Variants in BCR observed in about 807,000 individuals in gnomAD.
BCR encodes the protein BCR activator of RhoGEF and GTPase.
Under a neutral mutation model 138.6 loss-of-function variants are expected in BCR, and 58 were observed. That is an observed-to-expected ratio of 0.42 (90% CI 0.34 to 0.52). BCR has a LOEUF of 0.52. BCR is among the 20% of genes least tolerant of loss of function. BCR has a pLI of 0.06. For synonymous variants in BCR, 786 were observed against 730.1 expected (o/e 1.08, Z -1.23); for missense variants, 1,599 against 1,727.2 (o/e 0.93, Z 1.32).
chr22:23,266,763 AG>A (rs1322722123), intron 4 of BCR, among the ~76,000 whole-genome samples: 15 of 152,248 alleles, frequency 9.9e-5, no homozygotes, highest in African/African-American at 3.6e-4. Context: ...TCTGCGTAAC[AG>A]CACCACAGCA....
At chr22:23,185,067 C>A (rs1486240390) in intron 1 of BCR, among the ~76,000 whole-genome samples, 1 of 152,140 alleles carries the variant, frequency 6.6e-6, no homozygotes, top group Non-Finnish European at 1.5e-5. Context: ...CTGAAGCCAT[C>A]CCTGGGCACG....
At chr22:23,215,727 C>T (rs1268365213) in intron 1 of BCR, among the ~76,000 whole-genome samples, 1 of 152,162 alleles carries the variant, frequency 6.6e-6, no homozygotes, top group Non-Finnish European at 1.5e-5. Flanking sequence ...ATGACACTGC[C>T]TCCTAAGTGG....
intron 1 of BCR, among the ~76,000 whole-genome samples, chr22:23,196,625 T>C (rs2072486285): frequency 6.6e-6 from 1 of 152,070 alleles, no homozygotes; most frequent in African/African-American, 2.4e-5. Context: ...TTCCACAGAC[T>C]GGGGGTTAGG....
chr22:23,216,380 G>A (rs2072752168), intron 1 of BCR, among the ~76,000 whole-genome samples: 1 of 152,156 alleles, frequency 6.6e-6, no homozygotes, highest in Admixed American at 6.5e-5. Flanking sequence ...TTTTATGGTA[G>A]TATTATGTGA....
At chr22:23,262,733 G>A (rs980242227) in intron 4 of BCR, 6 of 839,712 alleles carry the variant, frequency 7.1e-6, no homozygotes, top group Non-Finnish European at 7.2e-6. Context: ...GGGCGGGGGC[G>A]GAGAGGCGAA....
intron 1 of BCR, 92 bp downstream of exon 1, chr22:23,182,331 G>A: frequency 2.2e-6 from 3 of 1,376,720 alleles, no homozygotes; most frequent in Non-Finnish European, 2.9e-6. Context: ...TTGGGAGGGA[G>A]GAGTGGATAG....
Position 23,292,539 on chromosome 22 carries a change from A to G in BCR, c.2783-2A>G. On this transcript the variant is annotated splice_acceptor_variant, in intron 14 of 22. Transcript: ENST00000305877. LOFTEE classifies it high-confidence loss of function. ...CTTCTCCATGTCCACTTCTCCCCAC[A>G]GATCTGTACTGCACCCTGGAGGTGG... 1 of 1,611,250 alleles carries G rather than the reference A, an allele frequency of 6.2e-7. No homozygotes were observed. The highest frequency in any genetic ancestry group is 8.5e-7 in the Non-Finnish European group (1 of 1,177,902).
intron 9 of BCR, 77 bp downstream of exon 9, chr22:23,284,175 G>T: frequency 6.4e-7 from 1 of 1,566,696 alleles, no homozygotes. Context: ...TTGTCATGGC[G>T]GAGGTCAGTG....
intron 10 of BCR, 107 bp from the exon 11 acceptor site, chr22:23,287,052 C>A: frequency 6.5e-7 from 1 of 1,528,784 alleles, no homozygotes; most frequent in South Asian, 1.2e-5. Context: ...AGATGGGATT[C>A]TTGCCCTCTG....
chr22:23,268,570 C>T (rs1327057510), intron 5 of BCR, 55 bp downstream of exon 5: 1 of 1,422,138 alleles, frequency 7.0e-7, no homozygotes, highest in African/African-American at 1.4e-5. Flanking sequence ...CCTGTACCCT[C>T]CACCTCCCGA....
intron 1 of BCR, among the ~76,000 whole-genome samples, chr22:23,228,635 A>G (rs1227141784): frequency 6.6e-6 from 1 of 152,148 alleles, no homozygotes; most frequent in African/African-American, 2.4e-5. Flanking sequence ...TGGATATAAC[A>G]TTCTGGGTTG....
rs77227437 is a variant in BCR, at chr22:23,315,579, G to A, written c.*57G>A. Reference sequence around the variant, plus strand: ...ATGGCCTGGAAACCTCTGGCTAATCGGGCCATCCGTAGAGCGGGAACCTTC... The same window carrying A: ...ATGGCCTGGAAACCTCTGGCTAATCAGGCCATCCGTAGAGCGGGAACCTTC... On this transcript the variant is annotated 3_prime_UTR_variant, in exon 23 of 23. Transcript: ENST00000305877. 0.045 allele frequency: 68,443 copies of A among 1,534,314 alleles called. 9,267 individuals are homozygous for A. In the East Asian group the frequency reaches 0.53, roughly 12 times the overall value.
intron 1 of BCR, among the ~76,000 whole-genome samples, chr22:23,242,060 G>A (rs922132211): frequency 2.6e-5 from 4 of 152,100 alleles, no homozygotes; most frequent in African/African-American, 9.7e-5. Flanking sequence ...ACTGACACCA[G>A]GTACATTAAC....
chr22:23,246,895 C>G (rs1249441353), intron 1 of BCR, among the ~76,000 whole-genome samples: 1 of 151,908 alleles, frequency 6.6e-6, no homozygotes, highest in African/African-American at 2.4e-5. Flanking sequence ...TCGGAGCCCC[C>G]AAGATCCACA....
At position 23,314,729 on chromosome 22, in the gene BCR, G is replaced by T. The variant is rs201258144; in HGVS notation, c.3726+15G>T. 236 of 1,611,636 alleles carry T rather than the reference G, an allele frequency of 1.5e-4. 1 individual carries two copies. The highest frequency in any genetic ancestry group is 3.1e-4 in the African/African-American group (23 of 74,966). ...TCATGTCCCAGGTATGGGAAGACAG[G>T]CTCCAGCCCATGCAACCCTGACCTG... On this transcript the variant is annotated intron_variant, in intron 22 of 22. Coordinates refer to ENST00000305877, the MANE Select transcript of BCR (RefSeq NM_004327.4).
chr22:23,253,659 G>A (rs138630542), intron 1 of BCR, 140 bp from the exon 2 acceptor site: 3 of 912,234 alleles, frequency 3.3e-6, no homozygotes, highest in African/African-American at 3.3e-5. Flanking sequence ...CAGTTGTGAA[G>A]GGGACGTCAG....
rs1182876923 is a variant in BCR, at chr22:23,244,673, C to G, written c.1280-9126C>G. 2.6e-5 allele frequency among the ~76,000 whole-genome samples: 4 copies of G among 152,238 alleles called. No homozygotes were observed. In the East Asian group the frequency reaches 7.7e-4, roughly 29 times the overall value. Reference sequence around the variant, plus strand: ...ACCATTCCATACCCAGCACAGTGTCCTGCACGTATTAGATACTCAGTAAGT... The same window carrying G: ...ACCATTCCATACCCAGCACAGTGTCGTGCACGTATTAGATACTCAGTAAGT... On this transcript the variant is annotated intron_variant, in intron 1 of 22. Transcript: ENST00000305877.
At chr22:23,283,032 G>A (rs888713603) in intron 8 of BCR, among the ~76,000 whole-genome samples, 6 of 152,188 alleles carry the variant, frequency 3.9e-5, no homozygotes, top group African/African-American at 1.2e-4. Flanking sequence ...TAATTCAGGC[G>A]ATGTGCTCGT....
chr22:23,255,049 T>A (rs2073277213), intron 2 of BCR, among the ~76,000 whole-genome samples: 1 of 152,024 alleles, frequency 6.6e-6, no homozygotes, highest in Non-Finnish European at 1.5e-5. Context: ...AATAAAAAAA[T>A]AAATAAAAAG....
Sources: allele counts gnomAD v4.1 joint callset (sites outside exome capture counted in the v4.1 genomes callset), GRCh38; gene constraint gnomAD v4.1.1; transcripts MANE v1.5; gene names NCBI Gene and HGNC (gene_info 2026-07-23, HGNC 2026-07-21).